Variants in RBM19 observed in about 807,000 individuals in gnomAD.
The protein encoded by RBM19 is probable RNA-binding protein 19.
In RBM19, 94 loss-of-function variants were observed where a neutral mutation model predicts 116.8. The observed-to-expected ratio is 0.80, with a 90% CI of 0.68 to 0.95. The LOEUF (loss-of-function observed/expected upper bound fraction) is 0.95. Ranked by LOEUF, RBM19 falls within the 40% of genes least tolerant of loss-of-function variation. The pLI, the probability that RBM19 is intolerant of heterozygous loss-of-function variation, is 0.00. For synonymous variants in RBM19, 475 were observed against 494.1 expected (o/e 0.96, Z 0.51); for missense variants, 1,161 against 1,220.7 (o/e 0.95, Z 0.73).
intron 22 of RBM19, among the ~76,000 whole-genome samples, chr12:113,848,179 C>T (rs1022067029): frequency 2.6e-5 from 4 of 152,212 alleles, no homozygotes; most frequent in Admixed American, 6.5e-5. Flanking sequence ...TAACATGTGT[C>T]ACTTAAGATT....
chr12:113,911,387 A>G (rs1301655197), intron 21 of RBM19, among the ~76,000 whole-genome samples: 1 of 152,180 alleles, frequency 6.6e-6, no homozygotes, highest in East Asian at 1.9e-4. Context: ...AAGAAAAAAC[A>G]AAAACAAAAC....
At chr12:113,884,783 G>A (rs1880409785) in intron 21 of RBM19, among the ~76,000 whole-genome samples, 1 of 152,142 alleles carries the variant, frequency 6.6e-6, no homozygotes, top group Non-Finnish European at 1.5e-5. Context: ...AAAAGATGGG[G>A]ACACATTGAA....
chr12:113,954,975 C>T (rs1186446516), intron 7 of RBM19, among the ~76,000 whole-genome samples, 156 bp downstream of exon 7: 4 of 152,066 alleles, frequency 2.6e-5, no homozygotes, highest in Admixed American at 1.3e-4. Flanking sequence ...CTGACGATGC[C>T]GGAGATGTTA....
intron 22 of RBM19, among the ~76,000 whole-genome samples, chr12:113,846,299 T>G (rs1350341855): frequency 6.6e-6 from 1 of 152,134 alleles, no homozygotes; most frequent in Non-Finnish European, 1.5e-5. Flanking sequence ...ACTGGAAGGG[T>G]CTGGATGGGA....
intron 16 of RBM19, among the ~76,000 whole-genome samples, chr12:113,935,759 C>T (rs539021751): frequency 2.0e-5 from 3 of 152,208 alleles, no homozygotes; most frequent in South Asian, 2.1e-4. Context: ...TTAGACTGGG[C>T]GTGGTGGCTT....
In RBM19 at chr12:113,890,498, C is replaced by T. The variant is rs1039473968; in HGVS notation, c.2558+24471G>A. The stretch of plus-strand genomic sequence containing the variant: ...CACAACCGGCAGCTCGATAATAACT[C>T]GAAAATGAGATACAAATGAGTGACT... On this transcript the variant is annotated intron_variant, in intron 21 of 23. Transcript: ENST00000261741. 7.2e-5 allele frequency among the ~76,000 whole-genome samples: 11 copies of T among 152,192 alleles called. 1 individual carries two copies. Among genetic ancestry groups the T allele is most frequent in the African/African-American group, 2.4e-4 (10 of 41,444 alleles).
At chr12:113,934,409 T>A (rs1282413624) in intron 16 of RBM19, among the ~76,000 whole-genome samples, 1 of 152,206 alleles carries the variant, frequency 6.6e-6, no homozygotes, top group East Asian at 1.9e-4. Context: ...CAGGGCCATT[T>A]CCCCAGGGGC....
intron 16 of RBM19, among the ~76,000 whole-genome samples, chr12:113,932,934 A>C (rs1869737597): frequency 6.6e-6 from 1 of 152,138 alleles, no homozygotes; most frequent in African/African-American, 2.4e-5. Context: ...CCAGTCACGC[A>C]TCGCCACATG....
intron 17 of RBM19, among the ~76,000 whole-genome samples, chr12:113,926,170 A>G (rs1006627590): frequency 7.9e-5 from 12 of 151,994 alleles, no homozygotes; most frequent in East Asian, 5.8e-4. Flanking sequence ...CCACATCCCA[A>G]TGTTTGCCTC....
intron 22 of RBM19, among the ~76,000 whole-genome samples, chr12:113,847,610 G>A (rs980897951): frequency 6.6e-6 from 1 of 152,030 alleles, no homozygotes; most frequent in African/African-American, 2.4e-5. Flanking sequence ...CTGTGGTCCC[G>A]GGGACACGGT....
intron 10 of RBM19, among the ~76,000 whole-genome samples, chr12:113,947,954 C>A (rs368923279): frequency 1.3e-5 from 2 of 152,214 alleles, no homozygotes; most frequent in Non-Finnish European, 2.9e-5. Context: ...GCTTCTCCCC[C>A]TCAGCCCACC....
chr12:113,919,769 C>A (rs79019524), intron 19 of RBM19, among the ~76,000 whole-genome samples: 5 of 151,962 alleles, frequency 3.3e-5, no homozygotes, highest in Non-Finnish European at 5.9e-5. Context: ...AAACAGCTTT[C>A]GGTTCAGCCC....
chr12:113,955,351 TC>T, intron 6 of RBM19, 140 bp from the exon 7 acceptor site: 1 of 804,444 alleles, frequency 1.2e-6, no homozygotes, highest in Non-Finnish European at 2.1e-6. Flanking sequence ...AGAATCAATG[TC>T]CACCGTGTAT....
At chr12:113,830,396 TG>T (rs1451615767) in intron 23 of RBM19, among the ~76,000 whole-genome samples, 2 of 152,052 alleles carry the variant, frequency 1.3e-5, no homozygotes, top group Non-Finnish European at 2.9e-5. Context: ...GCTGAGGACC[TG>T]GGCTCCCTGA....
intron 21 of RBM19, among the ~76,000 whole-genome samples, chr12:113,885,997 T>G (rs1880489961): frequency 6.6e-6 from 1 of 151,760 alleles, no homozygotes; most frequent in Admixed American, 6.6e-5. Flanking sequence ...GCCTCCCAAG[T>G]AGCTGGGACT....
At position 113,966,239 on chromosome 12, in the gene RBM19, C is replaced by T. The variant is rs780429978; in HGVS notation, c.-12G>A. 2.5e-6 allele frequency: 4 copies of T among 1,614,084 alleles called. No individual in the cohort carries two copies. Among genetic ancestry groups the T allele is most frequent in the African/African-American group, 1.3e-5 (1 of 74,944 alleles). ...ATCAGTCGCGACATGGCGCAGGGTC[C>T]CCGCTGTTTTGATTCCAACACGACT... On this transcript the variant is annotated 5_prime_UTR_variant, in exon 1 of 24. Transcript: ENST00000261741.
chr12:113,837,662 A>T (rs1876090972), intron 23 of RBM19, among the ~76,000 whole-genome samples: 1 of 152,256 alleles, frequency 6.6e-6, no homozygotes, highest in African/African-American at 2.4e-5. Flanking sequence ...GCAGCCGCTC[A>T]GATCAGCTGA....
At chr12:113,889,922 G>A (rs557933527) in intron 21 of RBM19, among the ~76,000 whole-genome samples, 44 of 151,222 alleles carry the variant, frequency 2.9e-4, no homozygotes, top group African/African-American at 5.1e-4. Flanking sequence ...AGGCGTAATC[G>A]ATCAGAGAGC....
chr12:113,936,515 A>G (rs1402082936), intron 16 of RBM19, among the ~76,000 whole-genome samples: 2 of 152,234 alleles, frequency 1.3e-5, no homozygotes, highest in African/African-American at 2.4e-5. Flanking sequence ...CCAAAGCCCA[A>G]TGATACCCCT....
Sources: gnomAD v4.1 joint callset for allele counts (sites outside exome capture counted in the v4.1 genomes callset) on GRCh38, gnomAD v4.1.1 for gene constraint, MANE v1.5 for transcripts, NCBI Gene and HGNC (gene_info 2026-07-23, HGNC 2026-07-21) for gene names.